NEIL3: variants seen among roughly 807,000 people sequenced by gnomAD.
NEIL3 encodes endonuclease 8-like 3.
A neutral mutation model predicts 57.5 loss-of-function variants in NEIL3; 48 were observed. That is an observed-to-expected ratio of 0.83 (90% CI 0.66 to 1.06). The LOEUF (loss-of-function observed/expected upper bound fraction) is 1.06. Ranked by LOEUF, NEIL3 falls within the 50% of genes least tolerant of loss-of-function variation. NEIL3 has a pLI of 0.00. For synonymous variants in NEIL3, 261 were observed against 253.2 expected, an observed-to-expected ratio of 1.03 and a Z score of -0.29; for missense variants, 717 against 739.1, an observed-to-expected ratio of 0.97 and a Z score of 0.35.
chr4:177,339,970 G>A (rs902650192), intron 5 of NEIL3, 113 bp downstream of exon 5: 3 of 681,638 alleles, frequency 4.4e-6, no homozygotes, highest in Non-Finnish European at 7.9e-6. Context: ...AGAGCATGGA[G>A]GTACATTAAG....
intron 8 of NEIL3, among the ~76,000 whole-genome samples, chr4:177,359,964 G>A (rs1362945668): frequency 1.3e-5 from 2 of 152,290 alleles, no homozygotes; most frequent in Middle Eastern, 3.4e-3. Flanking sequence ...ATATGATTGC[G>A]ACTATTATAG....
At chr4:177,339,501 T>G (rs35266442) in intron 4 of NEIL3, among the ~76,000 whole-genome samples, 106 of 152,258 alleles carry the variant, frequency 7.0e-4, no homozygotes, top group African/African-American at 2.4e-3. Context: ...TACTACTCAT[T>G]AAGTGGAAGT....
intron 8 of NEIL3, among the ~76,000 whole-genome samples, chr4:177,354,466 G>A (rs1735431964): frequency 6.6e-6 from 1 of 152,090 alleles, no homozygotes; most frequent in African/African-American, 2.4e-5. Context: ...GTTCTAAAAG[G>A]AGGGGTCTGA....
chr4:177,342,034 T>C (rs1010590847), intron 6 of NEIL3, among the ~76,000 whole-genome samples: 2 of 152,216 alleles, frequency 1.3e-5, no homozygotes, highest in African/African-American at 4.8e-5. Context: ...GTCTAGTTGG[T>C]GAAATAATAG....
At chr4:177,345,266 A>C (rs999807350) in intron 6 of NEIL3, among the ~76,000 whole-genome samples, 2 of 152,222 alleles carry the variant, frequency 1.3e-5, no homozygotes, top group African/African-American at 4.8e-5. Flanking sequence ...CATCAAAGAC[A>C]AGAGGTAGGA....
At chr4:177,331,191 A>G (rs1432284233) in intron 2 of NEIL3, among the ~76,000 whole-genome samples, 2 of 152,150 alleles carry the variant, frequency 1.3e-5, no homozygotes, top group African/African-American at 4.8e-5. Flanking sequence ...CAAGAAAGAA[A>G]ACCCCAGGCA....
At chr4:177,330,458 A>T (rs973389056) in intron 2 of NEIL3, among the ~76,000 whole-genome samples, 5 of 152,194 alleles carry the variant, frequency 3.3e-5, no homozygotes, top group African/African-American at 9.6e-5. Flanking sequence ...ATTAAACCCA[A>T]AACAGACAGA....
intron 1 of NEIL3, among the ~76,000 whole-genome samples, chr4:177,316,554 G>T (rs997255451): frequency 5.3e-5 from 8 of 152,082 alleles, no homozygotes; most frequent in African/African-American, 1.9e-4. Context: ...TAGAGTAGAA[G>T]ATTTTGCCAA....
chr4:177,362,956 A>T (rs768659396), downstream of NEIL3: 1 of 152,216 alleles, frequency 6.6e-6, no homozygotes, highest in Non-Finnish European at 1.5e-5. Context: ...CTATTTTTAA[A>T]ATTCTGTTCA....
chr4:177,362,200 A>G, intron 9 of NEIL3, 89 bp from the exon 10 acceptor site: 4 of 899,618 alleles, frequency 4.4e-6, no homozygotes, highest in Admixed American at 5.8e-5. Context: ...AGTGAAGACT[A>G]TATGGCACTA....
At chr4:177,334,704 AT>A (rs1171839857) in intron 2 of NEIL3, among the ~76,000 whole-genome samples, 3 of 152,160 alleles carry the variant, frequency 2.0e-5, no homozygotes, top group Non-Finnish European at 4.4e-5. Flanking sequence ...TAAAACCCAC[AT>A]TTTTAAAGTT....
intron 8 of NEIL3, among the ~76,000 whole-genome samples, chr4:177,358,895 A>G (rs1046916002): frequency 1.3e-5 from 2 of 152,338 alleles, no homozygotes; most frequent in Middle Eastern, 3.4e-3. Flanking sequence ...ACAATTTTTA[A>G]TAAGAATGCA....
At chr4:177,361,112 A>G (rs145463794) in intron 9 of NEIL3, among the ~76,000 whole-genome samples, 139 of 136,204 alleles carry the variant, frequency 1.0e-3, no homozygotes, top group African/African-American at 3.2e-3. Context: ...ATTTACAATA[A>G]CCTTATCAAA....
rs1340137969 is a variant in NEIL3, at chr4:177,356,412, A to G, written c.1460+2684A>G. Among the ~76,000 whole-genome samples the G allele has an allele frequency of 2.0e-5, 3 of 152,214 alleles. No individual in the cohort carries two copies. In the East Asian group the frequency reaches 5.8e-4, roughly 29 times the overall value. On this transcript the variant is annotated intron_variant, in intron 8 of 9. Transcript: ENST00000264596. ...GACTGAGACTCCACAATCAATCAAG[A>G]TCAACTAGCAGAATAAATGTCAAGT...
chr4:177,348,868 T>A (rs1735287853), intron 6 of NEIL3, among the ~76,000 whole-genome samples: 2 of 109,526 alleles, frequency 1.8e-5, no homozygotes, highest in Non-Finnish European at 3.7e-5. Flanking sequence ...ATTTTTTTTT[T>A]TTTTTTTTTT....
chr4:177,353,198 T>C, intron 7 of NEIL3, 110 bp from the exon 8 acceptor site: 1 of 860,280 alleles, frequency 1.2e-6, no homozygotes, highest in East Asian at 2.6e-5. Context: ...TATATATTAG[T>C]TCACTGTAAT....
In NEIL3 at chr4:177,353,407, A is replaced by G. The variant is rs1306511317; in HGVS notation, c.1139A>G (p.Asn380Ser). ...FGKPHTEVKINRKTAFGTTTL... is the reference protein window; with the variant it reads ...FGKPHTEVKISRKTAFGTTTL... ...AAACCTCATACAGAAGTCAAGATCA[A>G]CAGAAAAACTGCATTTGGAACTACA... The change falls in exon 8 of 10, where the codon AAC (asparagine) becomes AGC (serine). Residue 380 changes from asparagine to serine, a missense_variant. Asn to Ser is a conservative substitution (Grantham distance 46). Transcript: ENST00000264596. 1.2e-6 allele frequency: 2 copies of G among 1,613,734 alleles called. No individual in the cohort carries two copies. Among genetic ancestry groups the G allele is most frequent in the Admixed American group, 1.7e-5 (1 of 60,000 alleles).
intron 6 of NEIL3, among the ~76,000 whole-genome samples, chr4:177,345,222 G>A (rs2110918165): frequency 6.6e-6 from 1 of 152,332 alleles, no homozygotes; most frequent in East Asian, 1.9e-4. Flanking sequence ...GAAAGAGGCA[G>A]TCTTTGAGCT....
chr4:177,324,849 C>T (rs775845961), intron 2 of NEIL3, among the ~76,000 whole-genome samples: 11 of 151,956 alleles, frequency 7.2e-5, no homozygotes, highest in Admixed American at 6.6e-4. Flanking sequence ...ATAGTGTGTG[C>T]GAATGTTTAT....
Sources: gnomAD v4.1 joint callset for allele counts (sites outside exome capture counted in the v4.1 genomes callset) on GRCh38, gnomAD v4.1.1 for gene constraint, MANE v1.5 for transcripts, NCBI Gene and HGNC (gene_info 2026-07-23, HGNC 2026-07-21) for gene names.